CDC42BPA: variants seen among roughly 807,000 people sequenced by gnomAD.
The protein encoded by CDC42BPA is CDC42 binding protein kinase alpha.
In CDC42BPA, 80 loss-of-function variants were observed where a neutral mutation model predicts 223.5. That is an observed-to-expected ratio of 0.36 (90% CI 0.30 to 0.43). The LOEUF is 0.43. Ranked by LOEUF, CDC42BPA falls within the 20% of genes least tolerant of loss-of-function variation. The pLI is 1.00. For synonymous variants in CDC42BPA, 694 were observed against 718.6 expected, an observed-to-expected ratio of 0.97 and a Z score of 0.55; for missense variants, 1,743 against 2,099.9, an observed-to-expected ratio of 0.83 and a Z score of 3.32.
chr1:227,098,447 C>T (rs1684412405), intron 15 of CDC42BPA, among the ~76,000 whole-genome samples: 2 of 151,866 alleles, frequency 1.3e-5, no homozygotes, highest in South Asian at 4.1e-4. Flanking sequence ...TCAACTGTAA[C>T]TGTTTAAAAT....
intron 11 of CDC42BPA, among the ~76,000 whole-genome samples, chr1:227,126,055 T>C (rs995834502): frequency 2.0e-5 from 3 of 151,986 alleles, no homozygotes; most frequent in Non-Finnish European, 2.9e-5. Context: ...GCAGGAGACA[T>C]CTCTCCCACC....
intron 5 of CDC42BPA, among the ~76,000 whole-genome samples, chr1:227,161,058 T>A (rs993606499): frequency 2.6e-5 from 4 of 152,186 alleles, no homozygotes; most frequent in Non-Finnish European, 5.9e-5. Context: ...TGCAGATAGA[T>A]AAAGTCTCAA....
chr1:227,137,552 T>C (rs1354394717), intron 10 of CDC42BPA, among the ~76,000 whole-genome samples: 14 of 151,784 alleles, frequency 9.2e-5, no homozygotes, highest in Admixed American at 8.5e-4. Context: ...CCAAAATAAA[T>C]AGATAAGTAT....
intron 15 of CDC42BPA, among the ~76,000 whole-genome samples, chr1:227,094,349 T>C (rs887917612): frequency 5.3e-5 from 8 of 152,148 alleles, no homozygotes; most frequent in Admixed American, 2.0e-4. Context: ...CAAGTAGCCA[T>C]AAAATGCCAT....
chr1:227,303,702 T>TG (rs1228197347), intron 1 of CDC42BPA, among the ~76,000 whole-genome samples: 1 of 152,236 alleles, frequency 6.6e-6, no homozygotes, highest in African/African-American at 2.4e-5. Context: ...ATTTGGAATC[T>TG]GACTTTCTCA....
chr1:227,185,164 A>T lies in CDC42BPA; in HGVS notation c.599+8622T>A, dbSNP rs199718497. Among the ~76,000 whole-genome samples, 489 of 142,590 alleles carry T rather than the reference A, an allele frequency of 3.4e-3. 3 individuals carry two copies. The highest frequency in any genetic ancestry group is 0.01 in the African/African-American group (398 of 39,662). The allele number at this position is 142,590 out of a possible 152,430, so 93.5% of individuals were successfully genotyped here. A position where few individuals can be genotyped will look rare whatever the true frequency, so the allele number is the denominator to read the frequency against. Reference sequence around the variant, plus strand: ...ATCTTTACAAGAAATTTTTTTTTTTAAAAAAACAAAGTTCTTGGTTGCTGT... The same window carrying T: ...ATCTTTACAAGAAATTTTTTTTTTTTAAAAAACAAAGTTCTTGGTTGCTGT... On this transcript the variant is annotated intron_variant, in intron 5 of 36. Transcript: ENST00000366766.
chr1:227,042,587 C>T (rs1020642763), intron 23 of CDC42BPA, among the ~76,000 whole-genome samples: 18 of 152,108 alleles, frequency 1.2e-4, no homozygotes, highest in African/African-American at 4.3e-4. Flanking sequence ...TTAGGTAATA[C>T]ACAATAGGAT....
At position 226,991,739 on chromosome 1, in the gene CDC42BPA, T is replaced by C. The variant is rs1426249269; in HGVS notation, c.*2529A>G. The C allele has an allele frequency of 2.0e-5, 3 of 152,170 alleles. No homozygotes were observed. Among genetic ancestry groups the C allele is most frequent in the Admixed American group, 6.5e-5 (1 of 15,270 alleles). 9.4% of individuals were successfully genotyped at this position (152,170 alleles called of 1,614,324 possible). A position where few individuals can be genotyped will look rare whatever the true frequency, so the allele number is the denominator to read the frequency against. ...TTGGGAGGCTGAAGAGTATGACCCA[T>C]AGCAGTGGAGCTAGACTTTAGGTAG... On this transcript the variant is annotated 3_prime_UTR_variant, in exon 37 of 37. Transcript: ENST00000366766.
At chr1:227,109,926 T>C (rs1386479938) in intron 14 of CDC42BPA, among the ~76,000 whole-genome samples, 1 of 152,034 alleles carries the variant, frequency 6.6e-6, no homozygotes, top group South Asian at 2.1e-4. Flanking sequence ...CCTAATGTGA[T>C]ATAAATGCTA....
chr1:227,317,814 CAA>C lies in CDC42BPA; in HGVS notation c.-634_-633del. ...AGCAGCCCCTCGGCTCGGAGCACGCCAAGTCTTGCCCGGAGGCGGCTTTTCGT... is the reference window on the plus strand; with the variant it reads ...AGCAGCCCCTCGGCTCGGAGCACGCCGTCTTGCCCGGAGGCGGCTTTTCGT... On this transcript the variant is annotated 5_prime_UTR_variant, in exon 1 of 37. Coordinates refer to ENST00000366766, the MANE Select transcript of CDC42BPA (RefSeq NM_001394014.1). 2.5e-6 allele frequency: 1 copy of C among 398,716 alleles called. No individual in the cohort carries two copies. Among genetic ancestry groups the C allele is most frequent in the Non-Finnish European group, 4.4e-6 (1 of 226,132 alleles). 24.7% of individuals were successfully genotyped at this position (398,716 alleles called of 1,614,324 possible).
At chr1:227,254,604 A>G (rs576978989) in intron 1 of CDC42BPA, among the ~76,000 whole-genome samples, 1 of 152,358 alleles carries the variant, frequency 6.6e-6, no homozygotes, top group East Asian at 1.9e-4. Context: ...TGCGTTAGCA[A>G]ACGTCTACAG....
chr1:227,154,281 T>C (rs75795832), intron 6 of CDC42BPA, among the ~76,000 whole-genome samples: 3,181 of 152,016 alleles, frequency 0.021, 122 homozygotes, highest in African/African-American at 0.072. Flanking sequence ...TGATAAGATA[T>C]ATATACCAAA....
At chr1:227,265,274 A>G in intron 1 of CDC42BPA, 1 of 516,408 alleles carries the variant, frequency 1.9e-6, no homozygotes, top group Non-Finnish European at 3.5e-6. Flanking sequence ...TGAGACCTTG[A>G]GAAGTTATTT....
chr1:227,247,114 T>C (rs896766655), intron 2 of CDC42BPA, among the ~76,000 whole-genome samples: 2 of 151,748 alleles, frequency 1.3e-5, no homozygotes, highest in African/African-American at 4.8e-5. Flanking sequence ...CATGGAAGAA[T>C]CACAGAACCT....
At chr1:227,034,432 T>C (rs756650446) in intron 26 of CDC42BPA, among the ~76,000 whole-genome samples, 2 of 152,202 alleles carry the variant, frequency 1.3e-5, no homozygotes, top group Non-Finnish European at 2.9e-5. Context: ...CCAACTTCTT[T>C]TTCCTTAACT....
chr1:227,222,432 G>A (rs948634942), intron 2 of CDC42BPA, among the ~76,000 whole-genome samples: 2 of 150,868 alleles, frequency 1.3e-5, no homozygotes, highest in African/African-American at 4.9e-5. Context: ...CCGGGAGGCT[G>A]AGGTTGCAGT....
At chr1:227,181,350 A>G (rs1314593800) in intron 5 of CDC42BPA, among the ~76,000 whole-genome samples, 1 of 152,226 alleles carries the variant, frequency 6.6e-6, no homozygotes, top group Non-Finnish European at 1.5e-5. Flanking sequence ...TTTTCTATGT[A>G]TTCAAGTGAC....
intron 3 of CDC42BPA, among the ~76,000 whole-genome samples, chr1:227,202,299 G>A (rs1671921640): frequency 6.6e-6 from 1 of 152,096 alleles, no homozygotes; most frequent in Non-Finnish European, 1.5e-5. Context: ...TTCTTTTTAA[G>A]GGGAAAACAG....
chr1:227,239,790 T>C (rs1248123961), intron 2 of CDC42BPA, among the ~76,000 whole-genome samples: 2 of 152,124 alleles, frequency 1.3e-5, no homozygotes, highest in Non-Finnish European at 2.9e-5. Flanking sequence ...CCTACCAAAA[T>C]ATTGCCTAAC....
Sources: allele counts gnomAD v4.1 joint callset (sites outside exome capture counted in the v4.1 genomes callset), GRCh38; gene constraint gnomAD v4.1.1; transcripts MANE v1.5; gene names NCBI Gene and HGNC (gene_info 2026-07-23, HGNC 2026-07-21).